The following MTA2 variants were observed in gnomAD, a reference collection of about 807,000 sequenced individuals.
MTA2 encodes metastasis associated 1 family member 2.
In MTA2, 22 loss-of-function variants were observed where a neutral mutation model predicts 87.1. The ratio of observed to expected loss-of-function variants is 0.25; its 90% CI spans 0.18 to 0.36. The LOEUF is 0.36. MTA2 is among the 10% of genes least tolerant of loss of function. MTA2 has a pLI of 1.00. For synonymous variants in MTA2, 314 were observed against 310.1 expected, an observed-to-expected ratio of 1.01 and a Z score of -0.13; for missense variants, 542 against 853.2, an observed-to-expected ratio of 0.64 and a Z score of 4.54.
rs762827302 is a variant in MTA2, at chr11:62,600,223, G to A, written c.133C>T (p.Leu45Phe). 3 of 1,614,084 alleles carry A rather than the reference G, an allele frequency of 1.9e-6. No homozygotes were observed. Among genetic ancestry groups the A allele is most frequent in the Non-Finnish European group, 2.5e-6 (3 of 1,180,044 alleles). Residue 45 changes from leucine (L) to phenylalanine (F), a missense_variant, in exon 3 of 18, where the codon CTT becomes TTT. Physicochemically the swap from Leu to Phe is conservative, Grantham distance 22 (BLOSUM62 0). Around this residue, in one of 6 missense-constraint regions of MTA2, gnomAD observed 150 missense variants for 243.9 expected, o/e 0.62. Transcript: ENST00000278823. ...NGNVEAKVVC[L>F]FRRRDISSSL... ...CTAGAAATGTCCCTGCGCCGGAAAA[G>A]ACAGACAACCTTTGCCTCCACATTT...
At chr11:62,594,124 C>T (rs949023517) in intron 17 of MTA2, 84 bp from the exon 18 acceptor site, 18 of 1,553,514 alleles carry the variant, frequency 1.2e-5, no homozygotes, top group South Asian at 1.2e-5. Context: ...GCAATTATGC[C>T]TTCTGGCCCA....
Position 62,598,089 on chromosome 11 carries a change from G to T in MTA2, c.425C>A (p.Ala142Asp). Residue 142 changes from alanine to aspartate, a missense_variant, in exon 6 of 18, where the codon GCT (alanine) becomes GAT (aspartate). Transcript: ENST00000278823. ...ACCAACTCTAATCTCGCCCTGATCA[G>T]CGAGAAGTGTCTTCTGCACGGGGTC... ...VFDPVQKTLLADQGEIRVGCK... is the reference protein window; with the variant it reads ...VFDPVQKTLLDDQGEIRVGCK... 6.2e-7 allele frequency: 1 copy of T among 1,614,118 alleles called. No homozygotes were observed. Among genetic ancestry groups the T allele is most frequent in the Non-Finnish European group, 8.5e-7 (1 of 1,180,036 alleles).
chr11:62,594,869 T>C lies in MTA2; in HGVS notation c.1573+112A>G, dbSNP rs575479110. On this transcript the variant is annotated intron_variant, in intron 15 of 17. Transcript: ENST00000278823. ...TATTAAACAACAAAAGTACAGTTTG[T>C]TAGACTAAATCTCTGAGGACACTAT... 25 of 1,028,010 alleles carry C rather than the reference T, an allele frequency of 2.4e-5. No homozygotes were observed. In the African/African-American group the frequency reaches 3.4e-4, roughly 14 times the overall value. 63.7% of individuals were successfully genotyped at this position (1,028,010 alleles called of 1,614,324 possible). A position where few individuals can be genotyped will look rare whatever the true frequency, so the allele number is the denominator to read the frequency against.
chr11:62,597,744 G>A (rs1030321482), intron 6 of MTA2, 32 bp from the exon 7 acceptor site: 2 of 1,568,936 alleles, frequency 1.3e-6, no homozygotes, highest in East Asian at 4.5e-5. Flanking sequence ...TCAACAGGGA[G>A]AGGGCAGGGG....
intron 2 of MTA2, 106 bp downstream of exon 2, chr11:62,600,516 C>T: frequency 9.3e-7 from 1 of 1,075,006 alleles, no homozygotes; most frequent in South Asian, 1.5e-5. Context: ...AATGAATGAA[C>T]GAATATGAAT....
chr11:62,599,058 T>C (rs1190055248), intron 3 of MTA2, among the ~76,000 whole-genome samples: 1 of 152,198 alleles, frequency 6.6e-6, no homozygotes, highest in African/African-American at 2.4e-5. Context: ...AGGAGACTCT[T>C]TGCTCTAAAA....
At position 62,597,619 on chromosome 11, in the gene MTA2, A is replaced by T; in HGVS notation, c.584T>A (p.Val195Glu). 1 of 1,614,058 alleles carries T rather than the reference A, an allele frequency of 6.2e-7. No individual in the cohort carries two copies. Among genetic ancestry groups the T allele is most frequent in the Non-Finnish European group, 8.5e-7 (1 of 1,179,986 alleles). ...TCCACCCACCCCTCACCGGGCCACCACAAGAAACTGGTCGATCTGCCGGTC... is the reference window on the plus strand; with the variant it reads ...TCCACCCACCCCTCACCGGGCCACCTCAAGAAACTGGTCGATCTGCCGGTC... ...LTDRQIDQFLVVARAVGTFAR... is the reference protein window; with the variant it reads ...LTDRQIDQFLEVARAVGTFAR... Residue 195 changes from valine (V) to glutamate (E), a missense_variant, in exon 7 of 18, where the codon GTG (valine) becomes GAG (glutamate). By Grantham distance (121) the Val-to-Glu change is moderately radical. Around this residue, in one of 6 missense-constraint regions of MTA2, gnomAD observed 150 missense variants for 243.9 expected, o/e 0.62. Transcript: ENST00000278823.
chr11:62,598,243 T>TACCTC, intron 5 of MTA2, 84 bp downstream of exon 5: 7 of 1,559,988 alleles, frequency 4.5e-6, no homozygotes, highest in Non-Finnish European at 6.2e-6. Flanking sequence ...GGCAACCCTG[T>TACCTC]ACCTCATCAT....
chr11:62,595,105 C>T lies in MTA2; in HGVS notation c.1484-35G>A. 6.2e-7 allele frequency: 1 copy of T among 1,603,454 alleles called. No individual in the cohort carries two copies. The highest frequency in any genetic ancestry group is 8.5e-7 in the Non-Finnish European group (1 of 1,171,430). ...AAAGAAGAAAGCTTCTGAAGGGCTTCACCATTCAGGTCTCCTCTAAGGCCA... is the reference window on the plus strand; with the variant it reads ...AAAGAAGAAAGCTTCTGAAGGGCTTTACCATTCAGGTCTCCTCTAAGGCCA... On this transcript the variant is annotated intron_variant, in intron 14 of 17. Transcript: ENST00000278823. This position sits in a 1 kb window ranked among gnomAD's most constrained non-coding sequence, Gnocchi z 4.9.
In MTA2 at chr11:62,596,112, C is replaced by T. The variant is rs763177245; in HGVS notation, c.1017-5G>A. 1.7e-5 allele frequency: 28 copies of T among 1,613,746 alleles called. No homozygotes were observed. The highest frequency in any genetic ancestry group is 9.9e-5 in the South Asian group (9 of 91,072). ...TGGTTAGGGTTTGGCTTAGTGCTAA[C>T]GGGGAAGGCGAGGAGAAGGGAAAAA... On this transcript the variant is annotated splice_polypyrimidine_tract_variant and splice_region_variant and intron_variant, in intron 11 of 17. Transcript: ENST00000278823.
At position 62,594,968 on chromosome 11, in the gene MTA2, C is replaced by T. The variant is rs567517500; in HGVS notation, c.1573+13G>A. On this transcript the variant is annotated intron_variant, in intron 15 of 17. Transcript: ENST00000278823. ...GGAGCCTGATGCCAACCTCACTGGT[C>T]CCCATCCCATACCCAGATCTTTGAC... 22 of 1,612,122 alleles carry T rather than the reference C, an allele frequency of 1.4e-5. No individual in the cohort carries two copies. Among genetic ancestry groups the T allele is most frequent in the Non-Finnish European group, 1.8e-5 (21 of 1,178,784 alleles).
In MTA2 at chr11:62,593,920, G is replaced by A. The variant is rs760979939; in HGVS notation, c.1962C>T (p.Pro654=). ...AVRPPVPLPA[P]SHPASTNEPI... ...GCTCATTGGTGCTGGCAGGATGTGAGGGTGCAGGTAGAGGGACAGGGGGCC... is the reference window on the plus strand; with the variant it reads ...GCTCATTGGTGCTGGCAGGATGTGAAGGTGCAGGTAGAGGGACAGGGGGCC... Residue 654 remains proline (P), a synonymous_variant, in exon 18 of 18, where the codon CCC becomes CCT. Coordinates refer to ENST00000278823, the MANE Select transcript of MTA2 (RefSeq NM_004739.4). 6.2e-7 allele frequency: 1 copy of A among 1,614,244 alleles called. No individual in the cohort carries two copies. Among genetic ancestry groups the A allele is most frequent in the South Asian group, 1.1e-5 (1 of 91,086 alleles).
chr11:62,601,493 G>C lies in MTA2; in HGVS notation c.-43C>G. On this transcript the variant is annotated 5_prime_UTR_variant, in exon 1 of 18. Coordinates refer to ENST00000278823, the MANE Select transcript of MTA2 (RefSeq NM_004739.4). ...CCTCCGGCCGCACAAAGGGGTCCGG[G>C]AGGCTCGCGGGGGCAGGGCTCGGCT... The C allele has an allele frequency of 6.3e-7, 1 of 1,594,180 alleles. No individual in the cohort carries two copies. The highest frequency in any genetic ancestry group is 1.1e-5 in the South Asian group (1 of 88,184).
At chr11:62,600,536 G>A in intron 2 of MTA2, 86 bp downstream of exon 2, 3 of 1,264,436 alleles carry the variant, frequency 2.4e-6, no homozygotes, top group East Asian at 4.7e-5. Flanking sequence ...TGGGTACTTA[G>A]TATAGGATCC....
intron 3 of MTA2, 74 bp downstream of exon 3, chr11:62,600,092 G>C: frequency 7.2e-7 from 1 of 1,387,728 alleles, no homozygotes; most frequent in South Asian, 1.2e-5. Context: ...ATGCTACCAG[G>C]GGAAATACCT....
rs201196776 is a variant in MTA2 at position 62,598,355 on chromosome 11, T to C, written c.344A>G (p.Asp115Gly). 2 of 1,614,030 alleles carry C rather than the reference T, an allele frequency of 1.2e-6. No homozygotes were observed. Among genetic ancestry groups the C allele is most frequent in the African/African-American group, 1.3e-5 (1 of 74,976 alleles). ...CTTTTCCAGGTACTGGCTCAAGATA[T>C]CTGTCTCATTCAAGAGGGTCACACT... ...KCSVTLLNET[D>G]ILSQYLEKED... The change falls in exon 5 of 18, where the codon GAT becomes GGT. Residue 115 changes from aspartate to glycine, a missense_variant. Transcript: ENST00000278823.
intron 1 of MTA2, 103 bp from the exon 2 acceptor site, chr11:62,600,792 A>T (rs1368685311): frequency 5.2e-6 from 5 of 961,092 alleles, no homozygotes; most frequent in Non-Finnish European, 7.9e-6. Flanking sequence ...TCAAAAGGAG[A>T]TAAGGATTCA....
Position 62,594,580 on chromosome 11 carries a change from TTGA to T in MTA2, c.1625_1627del (p.Ile542del). 6.2e-7 allele frequency: 1 copy of T among 1,614,162 alleles called. No homozygotes were observed. Among genetic ancestry groups the T allele is most frequent in the Non-Finnish European group, 8.5e-7 (1 of 1,180,030 alleles). On this transcript the variant is annotated inframe_deletion, in exon 16 of 18. Coordinates refer to ENST00000278823, the MANE Select transcript of MTA2 (RefSeq NM_004739.4). ...CCGGTTCTGGGACAGCTGGTTTCTG[TTGA>T]TCGGTGTCTTGGTACCCCGAGGTGT...
chr11:62,595,215 G>C lies in MTA2; in HGVS notation c.1483+49C>G, dbSNP rs759748858. ...CATCCAGAGAAACAACGGTCTCTGG[G>C]CAGAGCAATCCGAAACCCACCACCA... On this transcript the variant is annotated intron_variant, in intron 14 of 17. Transcript: ENST00000278823. The surrounding 1 kb of genome is among the most constrained non-coding windows in gnomAD (Gnocchi z 4.9). 2 of 1,578,194 alleles carry C rather than the reference G, an allele frequency of 1.3e-6. No individual in the cohort carries two copies. The highest frequency in any genetic ancestry group is 1.7e-6 in the Non-Finnish European group (2 of 1,148,716).
Sources: allele counts gnomAD v4.1 joint callset (sites outside exome capture counted in the v4.1 genomes callset), GRCh38; gene constraint gnomAD v4.1.1; regional missense constraint gnomAD v4.1.1; non-coding constraint Gnocchi (gnomAD v3.1); transcripts MANE v1.5; gene names NCBI Gene and HGNC (gene_info 2026-07-23, HGNC 2026-07-21).